The following DENND5B variants were observed in gnomAD, a reference collection of about 807,000 sequenced individuals.
DENND5B encodes the protein DENN domain containing 5B, also known as DENN domain-containing protein 5B.
In DENND5B, 34 loss-of-function variants were observed where a neutral mutation model predicts 140.6. That is an observed-to-expected ratio of 0.24 (90% CI 0.18 to 0.32). The LOEUF is 0.32. DENND5B is among the 10% of genes least tolerant of loss of function. DENND5B has a pLI of 1.00. For missense variants in DENND5B, 1,142 were observed against 1,560.2 expected (o/e 0.73, Z 4.52); for synonymous variants, 551 against 562.1 (o/e 0.98, Z 0.28).
At chr12:31,552,493 T>C (rs1036231728) in intron 1 of DENND5B, among the ~76,000 whole-genome samples, 77 of 152,254 alleles carry the variant, frequency 5.1e-4, no homozygotes, top group African/African-American at 1.4e-3. Context: ...TTTGCATCGA[T>C]GTTCATCAAG....
At position 31,545,950 on chromosome 12, in the gene DENND5B, C is replaced by CAAAAAAAAAAAA. The variant is rs57460264; in HGVS notation, c.127+44744_127+44755dup. Reference sequence around the variant, plus strand: ...TGGGTGAGAGAGTAAGACACTGTCTCAAAAAAAAAAAAAAAAAAAAAGTGG... The same window carrying CAAAAAAAAAAAA: ...TGGGTGAGAGAGTAAGACACTGTCTCAAAAAAAAAAAAAAAAAAAAAAAAAAAAAAAAAGTGG... On this transcript the variant is annotated intron_variant, in intron 1 of 20. Coordinates refer to ENST00000389082, the MANE Select transcript of DENND5B (RefSeq NM_144973.4). 7.0e-3 allele frequency among the ~76,000 whole-genome samples: 256 copies of CAAAAAAAAAAAA among 36,376 alleles called. 35 individuals carry two copies. The highest frequency in any genetic ancestry group is 0.034 in the African/African-American group (235 of 6,944). 23.9% of individuals were successfully genotyped at this position (36,376 alleles called of 152,430 possible). A position where few individuals can be genotyped will look rare whatever the true frequency, so the allele number is the denominator to read the frequency against.
intron 11 of DENND5B, 72 bp downstream of exon 11, chr12:31,423,525 C>G (rs2137707775): frequency 1.3e-6 from 2 of 1,488,420 alleles, no homozygotes; most frequent in South Asian, 2.4e-5. Flanking sequence ...AGAAAGAGAT[C>G]AAGACAAGGC....
At chr12:31,512,893 T>G (rs1327822177) in intron 1 of DENND5B, among the ~76,000 whole-genome samples, 1 of 152,230 alleles carries the variant, frequency 6.6e-6, no homozygotes, top group Non-Finnish European at 1.5e-5. Context: ...TTATTAAAAT[T>G]AACGACCAGT....
At chr12:31,463,031 G>A (rs1253971739) in intron 3 of DENND5B, among the ~76,000 whole-genome samples, 1 of 152,140 alleles carries the variant, frequency 6.6e-6, no homozygotes, top group African/African-American at 2.4e-5. Flanking sequence ...GGGAGGCCAA[G>A]GCAGGAGAAT....
At chr12:31,430,261 G>T (rs528253288) in intron 8 of DENND5B, among the ~76,000 whole-genome samples, 1 of 149,620 alleles carries the variant, frequency 6.7e-6, no homozygotes, top group East Asian at 2.0e-4. Flanking sequence ...GTTCTCAAGT[G>T]ATCCGCCCGC....
chr12:31,464,563 T>C (rs375184909), intron 3 of DENND5B, among the ~76,000 whole-genome samples: 2 of 152,154 alleles, frequency 1.3e-5, no homozygotes, highest in Non-Finnish European at 2.9e-5. Context: ...TTTTTCTTTT[T>C]ATTTATTTAT....
chr12:31,437,095 TTGTC>T (rs1943802884), intron 7 of DENND5B, among the ~76,000 whole-genome samples: 1 of 152,080 alleles, frequency 6.6e-6, no homozygotes, highest in Non-Finnish European at 1.5e-5. Flanking sequence ...GGCCAGTATC[TTGTC>T]TGTCAGCCAT....
chr12:31,417,477 T>C (rs978395713), intron 11 of DENND5B, among the ~76,000 whole-genome samples: 4 of 151,694 alleles, frequency 2.6e-5, no homozygotes, highest in African/African-American at 9.7e-5. Flanking sequence ...GTAATCTAAA[T>C]AGACACTAAG....
At chr12:31,435,972 A>AT (rs1368162215) in intron 7 of DENND5B, among the ~76,000 whole-genome samples, 1 of 151,058 alleles carries the variant, frequency 6.6e-6, no homozygotes, top group Admixed American at 6.6e-5. Context: ...TAATTTTTGT[A>AT]TTTTTTGTAG....
intron 2 of DENND5B, among the ~76,000 whole-genome samples, chr12:31,488,959 T>C (rs754293856): frequency 3.9e-5 from 6 of 152,202 alleles, no homozygotes; most frequent in Admixed American, 6.5e-5. Context: ...ACTTTCCCAG[T>C]TTGAGTCAGC....
At chr12:31,458,433 T>A (rs1473964086) in intron 4 of DENND5B, among the ~76,000 whole-genome samples, 1 of 152,192 alleles carries the variant, frequency 6.6e-6, no homozygotes, top group African/African-American at 2.4e-5. Flanking sequence ...TTTAAAGGAT[T>A]AACTTCTTGG....
chr12:31,551,485 G>A (rs1198829913), intron 1 of DENND5B, among the ~76,000 whole-genome samples: 2 of 152,206 alleles, frequency 1.3e-5, no homozygotes, highest in Non-Finnish European at 1.5e-5. Flanking sequence ...ATAGTTTGAA[G>A]TCAGGTAGCG....
At position 31,527,449 on chromosome 12, in the gene DENND5B, C is replaced by T. The variant is rs977684016; in HGVS notation, c.128-31530G>A. Among the ~76,000 whole-genome samples the T allele has an allele frequency of 5.5e-4, 84 of 152,158 alleles. 1 individual carries two copies. Among genetic ancestry groups the T allele is most frequent in the African/African-American group, 2.0e-3 (81 of 41,446 alleles). ...TTTCCTCTGAACAAATGGGAAGTCA[C>T]TGGAGACTTTCAAACAGAGGAATGC... On this transcript the variant is annotated intron_variant, in intron 1 of 20. Transcript: ENST00000389082.
intron 2 of DENND5B, among the ~76,000 whole-genome samples, chr12:31,492,191 G>C (rs1357405202): frequency 6.6e-6 from 1 of 152,126 alleles, no homozygotes; most frequent in Middle Eastern, 3.2e-3. Flanking sequence ...TTCTTCAGGG[G>C]GAAACTTTTG....
chr12:31,413,450 G>C lies in DENND5B; in HGVS notation c.2667C>G (p.Asn889Lys). Reference sequence around the variant, plus strand: ...TGGTATCTTACTTGGTGAGTGGTTGGTTAGAAAGCAACTGCTTAAGATGCT... The same window carrying C: ...TGGTATCTTACTTGGTGAGTGGTTGCTTAGAAAGCAACTGCTTAAGATGCT... ...LSQHLKQLLS[N>K]QPLTKKLYKR... The change falls in exon 13 of 21, where the codon AAC (asparagine) becomes AAG (lysine). Residue 889 changes from asparagine to lysine, a missense_variant. Transcript: ENST00000389082. 1 of 1,613,292 alleles carries C rather than the reference G, an allele frequency of 6.2e-7. No homozygotes were observed. The highest frequency in any genetic ancestry group is 8.5e-7 in the Non-Finnish European group (1 of 1,179,504).
At chr12:31,509,312 T>G (rs1290064196) in intron 1 of DENND5B, among the ~76,000 whole-genome samples, 1 of 152,204 alleles carries the variant, frequency 6.6e-6, no homozygotes, top group Non-Finnish European at 1.5e-5. Context: ...ATTATCCACT[T>G]ATTCATCCCT....
intron 1 of DENND5B, among the ~76,000 whole-genome samples, chr12:31,501,647 C>T (rs1281949024): frequency 4.6e-5 from 7 of 151,912 alleles, no homozygotes; most frequent in Non-Finnish European, 8.8e-5. Context: ...GTGGTGCATG[C>T]CTGTAGTCCC....
Position 31,480,133 on chromosome 12 carries a change from A to G in DENND5B, c.360T>C (p.Tyr120=), listed in dbSNP as rs938409019. 3.7e-6 allele frequency: 6 copies of G among 1,611,760 alleles called. No individual in the cohort carries two copies. In the Admixed American group the frequency reaches 1.0e-4, roughly 27 times the overall value. ...SRTYGFVLTF[Y]EEVTSKQICT... is the part of the protein sequence containing the mutation. ...AGATTTGCTTACTTGTAACTTCTTC[A>G]TAAAAAGTGAGAACAAAACCATAGG... Residue 120 remains tyrosine (Y), a synonymous_variant, in exon 3 of 21, where the codon TAT becomes TAC. Coordinates refer to ENST00000389082, the MANE Select transcript of DENND5B (RefSeq NM_144973.4).
intron 1 of DENND5B, among the ~76,000 whole-genome samples, chr12:31,588,051 T>G (rs182175265): frequency 1.3e-3 from 193 of 152,338 alleles, no homozygotes; most frequent in African/African-American, 4.4e-3. Flanking sequence ...CAATCTCCCC[T>G]GCCCTTTCTC....
Sources: allele counts gnomAD v4.1 joint callset (sites outside exome capture counted in the v4.1 genomes callset), GRCh38; gene constraint gnomAD v4.1.1; transcripts MANE v1.5; gene names NCBI Gene and HGNC (gene_info 2026-07-23, HGNC 2026-07-21).